Variants in TAFA4 observed in about 807,000 individuals in gnomAD.
TAFA4 encodes the protein TAFA chemokine like family member 4, also known as chemokine-like protein TAFA-4.
A neutral mutation model predicts 21.1 loss-of-function variants in TAFA4; 20 were observed. That is an observed-to-expected ratio of 0.95 (90% confidence interval 0.67 to 1.38). The LOEUF is 1.38. Among genes scored for constraint, TAFA4 ranks in the 40% most tolerant of loss-of-function variants. The pLI, the probability that TAFA4 is intolerant of heterozygous loss-of-function variation, is 0.00. For missense variants in TAFA4, 211 were observed against 180.9 expected (o/e 1.17, Z -0.95); for synonymous variants, 71 against 67.4 (o/e 1.05, Z -0.26).
chr3:68,766,857 G>A (rs550700027), intron 3 of TAFA4, among the ~76,000 whole-genome samples: 2 of 152,004 alleles, frequency 1.3e-5, no homozygotes, highest in East Asian at 1.9e-4. Flanking sequence ...GAAAAGCCAA[G>A]GGAAACAAAT....
At chr3:68,776,169 A>C (rs2106789600) in intron 3 of TAFA4, among the ~76,000 whole-genome samples, 1 of 152,278 alleles carries the variant, frequency 6.6e-6, no homozygotes, top group South Asian at 2.1e-4. Flanking sequence ...CTCAAACCTA[A>C]ACATAATAAT....
At chr3:68,909,963 AGTC>A (rs1021899044) in intron 1 of TAFA4, among the ~76,000 whole-genome samples, 7 of 151,934 alleles carry the variant, frequency 4.6e-5, no homozygotes, top group Non-Finnish European at 5.9e-5. Context: ...GGCAGTATTC[AGTC>A]CTTCATCCTT....
At chr3:68,746,808 C>G (rs1702466912) in intron 4 of TAFA4, among the ~76,000 whole-genome samples, 1 of 152,190 alleles carries the variant, frequency 6.6e-6, no homozygotes, top group African/African-American at 2.4e-5. Flanking sequence ...CTACTAAATG[C>G]AGACCCACAC....
intron 3 of TAFA4, among the ~76,000 whole-genome samples, chr3:68,848,333 GAAT>G: frequency 6.6e-6 from 1 of 152,204 alleles, no homozygotes; most frequent in African/African-American, 2.4e-5. Flanking sequence ...GAGAGACAAT[GAAT>G]CAGAGAGTGT....
intron 3 of TAFA4, among the ~76,000 whole-genome samples, chr3:68,842,984 G>C (rs908173794): frequency 6.6e-6 from 1 of 152,138 alleles, no homozygotes; most frequent in East Asian, 1.9e-4. Context: ...CTCCAGCTTC[G>C]TTCTTTTCAC....
At chr3:68,824,235 T>C (rs921753351) in intron 3 of TAFA4, among the ~76,000 whole-genome samples, 1 of 152,252 alleles carries the variant, frequency 6.6e-6, no homozygotes, top group Non-Finnish European at 1.5e-5. Flanking sequence ...TTAAAAATGA[T>C]GTAAATTTAT....
chr3:68,891,970 A>G (rs1472597072), intron 1 of TAFA4, among the ~76,000 whole-genome samples: 2 of 152,244 alleles, frequency 1.3e-5, no homozygotes, highest in South Asian at 2.1e-4. Flanking sequence ...CTTGACAAAT[A>G]TATCCTGAAA....
intron 3 of TAFA4, among the ~76,000 whole-genome samples, chr3:68,758,070 G>A (rs1215566867): frequency 6.6e-6 from 1 of 152,106 alleles, no homozygotes; most frequent in Non-Finnish European, 1.5e-5. Context: ...TTGAGAAGAG[G>A]TGAGATTCAA....
chr3:68,809,422 G>T lies in TAFA4; in HGVS notation c.131-56404C>A, dbSNP rs565533762. 5.1e-4 allele frequency among the ~76,000 whole-genome samples: 77 copies of T among 151,898 alleles called. 1 individual carries two copies. In the South Asian group the frequency reaches 0.015, roughly 30 times the overall value. The stretch of plus-strand genomic sequence containing the variant: ...AGTTACTTGTCTAGAAATATAATTG[G>T]TTGCCAATATGATTTGTTTGTGATT... On this transcript the variant is annotated intron_variant, in intron 3 of 5. Coordinates refer to ENST00000295569, the MANE Select transcript of TAFA4 (RefSeq NM_182522.5).
intron 4 of TAFA4, among the ~76,000 whole-genome samples, chr3:68,740,044 G>C (rs979451238): frequency 6.6e-6 from 1 of 152,176 alleles, no homozygotes; most frequent in African/African-American, 2.4e-5. Flanking sequence ...TGAGATCTCA[G>C]GCTTTGTGGT....
At chr3:68,835,112 C>T (rs1158554657) in intron 3 of TAFA4, among the ~76,000 whole-genome samples, 1 of 152,156 alleles carries the variant, frequency 6.6e-6, no homozygotes, top group East Asian at 1.9e-4. Flanking sequence ...TCTGCACCTG[C>T]TGTGTCCACC....
intron 3 of TAFA4, among the ~76,000 whole-genome samples, chr3:68,765,753 G>C (rs1363919653): frequency 6.6e-6 from 1 of 152,132 alleles, no homozygotes; most frequent in African/African-American, 2.4e-5. Context: ...ATCAGCTGTT[G>C]ACAGACATTT....
rs764509526 is a variant in TAFA4, at chr3:68,859,041, CA to C, written c.130+21688del. 5.6e-4 allele frequency among the ~76,000 whole-genome samples: 79 copies of C among 140,002 alleles called. 1 individual carries two copies. The highest frequency in any genetic ancestry group is 9.7e-4 in the Non-Finnish European group (62 of 64,188). The allele number at this position is 140,002 out of a possible 152,430, so 91.8% of individuals were successfully genotyped here. A position where few individuals can be genotyped will look rare whatever the true frequency, so the allele number is the denominator to read the frequency against. On this transcript the variant is annotated intron_variant, in intron 3 of 5. Transcript: ENST00000295569. ...AGAAGCCAGCTGCAGAGGACTGCTA[CA>C]AAAAAAAAAGAAATAATCTGTTATT... is the stretch of plus-strand genomic sequence containing the variant.
chr3:68,734,581 A>G (rs377128898), intron 5 of TAFA4, among the ~76,000 whole-genome samples: 53 of 152,238 alleles, frequency 3.5e-4, no homozygotes, highest in African/African-American at 1.3e-3. Context: ...TGTGACAAAT[A>G]GAACAAAGAT....
At chr3:68,854,084 T>C (rs1165895040) in intron 3 of TAFA4, among the ~76,000 whole-genome samples, 1 of 152,124 alleles carries the variant, frequency 6.6e-6, no homozygotes, top group Non-Finnish European at 1.5e-5. Flanking sequence ...TTATGATTTA[T>C]ATCAAGAATT....
At chr3:68,777,108 AAAT>A (rs1703062836) in intron 3 of TAFA4, among the ~76,000 whole-genome samples, 1 of 150,282 alleles carries the variant, frequency 6.7e-6, no homozygotes, top group African/African-American at 2.5e-5. Flanking sequence ...ATATATAACG[AAAT>A]AATGAGTGCT....
At chr3:68,784,851 C>A (rs566509598) in intron 3 of TAFA4, among the ~76,000 whole-genome samples, 1 of 152,068 alleles carries the variant, frequency 6.6e-6, no homozygotes, top group Non-Finnish European at 1.5e-5. Context: ...AGGTTCTCCA[C>A]GTCCCCACCA....
intron 3 of TAFA4, among the ~76,000 whole-genome samples, chr3:68,779,882 C>T (rs1703123515): frequency 6.6e-6 from 1 of 152,162 alleles, no homozygotes; most frequent in South Asian, 2.1e-4. Flanking sequence ...GATCCACCAA[C>T]AGCTTGCACC....
intron 3 of TAFA4, among the ~76,000 whole-genome samples, chr3:68,858,481 T>C (rs1705122701): frequency 6.6e-6 from 1 of 152,064 alleles, no homozygotes; most frequent in Non-Finnish European, 1.5e-5. Flanking sequence ...ATCACTTTAC[T>C]TACCAATTTT....
Sources: gnomAD v4.1 joint callset for allele counts (sites outside exome capture counted in the v4.1 genomes callset) on GRCh38, gnomAD v4.1.1 for gene constraint, MANE v1.5 for transcripts, NCBI Gene and HGNC (gene_info 2026-07-23, HGNC 2026-07-21) for gene names.